Variants in TMEM178B observed in about 807,000 individuals in gnomAD.
TMEM178B encodes transmembrane protein 178B.
Under a neutral mutation model 31.0 loss-of-function variants are expected in TMEM178B, and 5 were observed. The observed-to-expected ratio is 0.16, with a 90% CI of 0.08 to 0.34. The LOEUF (loss-of-function observed/expected upper bound fraction) is 0.34, where lower values mean the gene tolerates loss of function less well. Among genes scored for constraint, TMEM178B ranks in the 10% least tolerant of loss-of-function variants. The probability of loss-of-function intolerance (pLI) is 1.00; values close to 1 mark genes in which losing one functional copy is unlikely to be tolerated. For missense variants in TMEM178B, 275 were observed against 400.3 expected, an observed-to-expected ratio of 0.69 and a Z score of 2.67; for synonymous variants, 164 against 164.0, an observed-to-expected ratio of 1.00 and a Z score of 0.00.
rs540054843 is a variant in TMEM178B, at chr7:141,118,039, A to G, written c.382+43347A>G. On this transcript the variant is annotated intron_variant, in intron 1 of 3. Transcript: ENST00000565468. Reference sequence around the variant, plus strand: ...TTTGTGAAATGTTACATTATTTGCTATCCCTTATATAATTTTGGGAAATTA... The same window carrying G: ...TTTGTGAAATGTTACATTATTTGCTGTCCCTTATATAATTTTGGGAAATTA... 2.6e-5 allele frequency among the ~76,000 whole-genome samples: 4 copies of G among 152,300 alleles called. No individual in the cohort carries two copies. In the South Asian group the frequency reaches 8.3e-4, roughly 32 times the overall value.
In TMEM178B at chr7:141,118,173, A is replaced by G. The variant is rs1467002608; in HGVS notation, c.382+43481A>G. Among the ~76,000 whole-genome samples, 3 of 152,186 alleles carry G rather than the reference A, an allele frequency of 2.0e-5. No homozygotes were observed. The East Asian group carries it at 5.8e-4, about 29-fold the overall frequency. On this transcript the variant is annotated intron_variant, in intron 1 of 3. Coordinates refer to ENST00000565468, the MANE Select transcript of TMEM178B (RefSeq NM_001195278.2). Reference sequence around the variant, plus strand: ...GTCTGTGGCTCATTCCTGTGCCCACAGTGGCCCCAGCTCTTTGAGAGCCTC... The same window carrying G: ...GTCTGTGGCTCATTCCTGTGCCCACGGTGGCCCCAGCTCTTTGAGAGCCTC...
At chr7:141,481,520 G>A (rs1802473980), downstream of TMEM178B, among the ~76,000 whole-genome samples, 1 of 152,146 alleles carries the variant, frequency 6.6e-6, no homozygotes, top group African/African-American at 2.4e-5. Flanking sequence ...GTGGCTAGTA[G>A]CCTCTGTGGA....
At chr7:141,385,833 C>T (rs1278457759) in intron 2 of TMEM178B, among the ~76,000 whole-genome samples, 2 of 152,210 alleles carry the variant, frequency 1.3e-5, no homozygotes, top group African/African-American at 4.8e-5. Context: ...GAGCAATTCC[C>T]TGACAACACA....
rs3035765 is a variant in TMEM178B, at chr7:141,229,100, GGTGTGTGTGT to G, written c.496+16418_496+16427del. 9.8e-3 allele frequency among the ~76,000 whole-genome samples: 1,316 copies of G among 134,848 alleles called. 25 individuals are homozygous for G. The highest frequency in any genetic ancestry group is 0.035 in the African/African-American group (1,245 of 35,182). 88.5% of individuals were successfully genotyped at this position (134,848 alleles called of 152,430 possible). A position where few individuals can be genotyped will look rare whatever the true frequency, so the allele number is the denominator to read the frequency against. ...TTTTTGCAAAATGATGTGTGTGTGT[GGTGTGTGTGT>G]GTGTGTGTGTGTGTGTGTGTGAAAC... On this transcript the variant is annotated intron_variant, in intron 2 of 3. Coordinates refer to ENST00000565468, the MANE Select transcript of TMEM178B (RefSeq NM_001195278.2).
intron 3 of TMEM178B, among the ~76,000 whole-genome samples, chr7:141,438,875 C>CAAAAAAAAAAAA (rs764682650): frequency 7.5e-6 from 1 of 132,746 alleles, no homozygotes. Flanking sequence ...GATTCCGTCT[C>CAAAAAAAAAAAA]AAAAAAAAAG....
chr7:141,228,365 G>T (rs1797379750), intron 2 of TMEM178B, among the ~76,000 whole-genome samples: 1 of 151,384 alleles, frequency 6.6e-6, no homozygotes, highest in Non-Finnish European at 1.5e-5. Flanking sequence ...CACGAACTCA[G>T]ATTTAAGATA....
intron 1 of TMEM178B, among the ~76,000 whole-genome samples, chr7:141,157,771 A>G (rs1054471722): frequency 1.3e-5 from 2 of 152,232 alleles, no homozygotes; most frequent in African/African-American, 4.8e-5. Context: ...GATGCCTGGC[A>G]CATCATGGTG....
chr7:141,192,204 G>C (rs1465446671), intron 1 of TMEM178B, among the ~76,000 whole-genome samples: 1 of 152,188 alleles, frequency 6.6e-6, no homozygotes, highest in Admixed American at 6.5e-5. Context: ...GCAACAGAGA[G>C]AGGCAGAGCC....
In TMEM178B at chr7:141,246,459, TAGAG is replaced by T. The variant is rs559037932; in HGVS notation, c.496+33759_496+33762del. Among the ~76,000 whole-genome samples, 85 of 152,308 alleles carry T rather than the reference TAGAG, an allele frequency of 5.6e-4. 1 individual carries two copies. The South Asian group carries it at 0.017, about 30-fold the overall frequency. ...ATCCTCTAGGGGGTTGTAACATAGG[TAGAG>T]AGACAAGAAGATCTTCAATAAAATG... is the stretch of plus-strand genomic sequence containing the variant. On this transcript the variant is annotated intron_variant, in intron 2 of 3. Coordinates refer to ENST00000565468, the MANE Select transcript of TMEM178B (RefSeq NM_001195278.2).
chr7:141,309,067 A>G (rs1459678933), intron 2 of TMEM178B, among the ~76,000 whole-genome samples: 2 of 152,176 alleles, frequency 1.3e-5, no homozygotes, highest in Non-Finnish European at 2.9e-5. Context: ...AGGAAGAGTA[A>G]AACACTTCAA....
the TMEM178B span, among the ~76,000 whole-genome samples, chr7:141,510,020 GA>G: frequency 6.6e-6 from 1 of 152,206 alleles, no homozygotes; most frequent in Non-Finnish European, 1.5e-5. Context: ...TAGAAACTGA[GA>G]CTAAGGTGGA....
At chr7:141,413,741 A>T (rs191743106) in intron 2 of TMEM178B, among the ~76,000 whole-genome samples, 1 of 152,294 alleles carries the variant, frequency 6.6e-6, no homozygotes, top group Admixed American at 6.5e-5. Flanking sequence ...CTTTATCCTT[A>T]TATTCCTTAT....
chr7:141,133,443 T>TA (rs1315708038), intron 1 of TMEM178B, among the ~76,000 whole-genome samples: 7 of 151,896 alleles, frequency 4.6e-5, no homozygotes, highest in African/African-American at 7.3e-5. Context: ...ATGAATGAGA[T>TA]AAAAAATACA....
At chr7:141,354,624 A>G (rs1799788369) in intron 2 of TMEM178B, among the ~76,000 whole-genome samples, 1 of 152,156 alleles carries the variant, frequency 6.6e-6, no homozygotes, top group Non-Finnish European at 1.5e-5. Flanking sequence ...ATTCAACCAT[A>G]TTCCTCTATT....
intron 2 of TMEM178B, among the ~76,000 whole-genome samples, chr7:141,332,820 G>A (rs935950486): frequency 6.6e-6 from 1 of 152,180 alleles, no homozygotes; most frequent in African/African-American, 2.4e-5. Context: ...AGTGAGTGTT[G>A]CAAATTAAAT....
In TMEM178B at chr7:141,368,029, C is replaced by T. The variant is rs557101159; in HGVS notation, c.497-69579C>T. On this transcript the variant is annotated intron_variant, in intron 2 of 3. Transcript: ENST00000565468. The stretch of plus-strand genomic sequence containing the variant: ...AAGAGCAGGCACATGTTGAAAAATA[C>T]AAAAAGGGGCCAGGCACAGTAGCTC... 1.5e-4 allele frequency among the ~76,000 whole-genome samples: 23 copies of T among 152,190 alleles called. No individual in the cohort carries two copies. The South Asian group carries it at 4.8e-3, about 32-fold the overall frequency.
intron 1 of TMEM178B, among the ~76,000 whole-genome samples, chr7:141,090,070 C>G (rs1048672758): frequency 2.0e-5 from 3 of 152,130 alleles, no homozygotes; most frequent in Non-Finnish European, 4.4e-5. Flanking sequence ...CCCTTCTTGC[C>G]TTTCCCAGAC....
chr7:141,218,133 C>T (rs976919545), intron 2 of TMEM178B, among the ~76,000 whole-genome samples: 1 of 152,016 alleles, frequency 6.6e-6, no homozygotes, highest in Non-Finnish European at 1.5e-5. Flanking sequence ...GTGGCTGTTG[C>T]CTCAGGCAAG....
At chr7:141,140,321 C>T (rs1273377067) in intron 1 of TMEM178B, among the ~76,000 whole-genome samples, 1 of 152,186 alleles carries the variant, frequency 6.6e-6, no homozygotes, top group East Asian at 1.9e-4. Context: ...AAGTTAACTC[C>T]TCAGTGGGGC....
Sources: allele counts gnomAD v4.1 joint callset (sites outside exome capture counted in the v4.1 genomes callset), GRCh38; gene constraint gnomAD v4.1.1; transcripts MANE v1.5; gene names NCBI Gene and HGNC (gene_info 2026-07-23, HGNC 2026-07-21).